Variants in NCOA5 observed in about 807,000 individuals in gnomAD.
The protein encoded by NCOA5 is NCoA-5.
In NCOA5, 12 loss-of-function variants were observed where a neutral mutation model predicts 59.0. That is an observed-to-expected ratio of 0.20 (90% confidence interval 0.13 to 0.33). The LOEUF (loss-of-function observed/expected upper bound fraction) is 0.33. NCOA5 is among the 10% of genes least tolerant of loss of function. The pLI is 1.00. For synonymous variants in NCOA5, 270 were observed against 275.5 expected, an observed-to-expected ratio of 0.98 and a Z score of 0.20; for missense variants, 655 against 766.6, an observed-to-expected ratio of 0.85 and a Z score of 1.72.
intron 1 of NCOA5, among the ~76,000 whole-genome samples, chr20:46,083,103 G>C (rs2085008725): frequency 6.6e-6 from 1 of 152,070 alleles, no homozygotes; most frequent in Non-Finnish European, 1.5e-5. Flanking sequence ...AAAACAATGA[G>C]GACTAGGAAT....
At chr20:46,071,457 T>A (rs1568881755) in intron 2 of NCOA5, among the ~76,000 whole-genome samples, 1 of 152,198 alleles carries the variant, frequency 6.6e-6, no homozygotes, top group South Asian at 2.1e-4. Context: ...TCCCATTGGA[T>A]TTGTAAGTCC....
In NCOA5 at chr20:46,070,523, A is replaced by C; in HGVS notation, c.52T>G (p.Phe18Val). Reference protein sequence around the residue: ...PSPTRRDPYGFGDSRDSRRDR... With the variant: ...PSPTRRDPYGVGDSRDSRRDR... ...CGCCTTGAATCTCGACTGTCTCCAA[A>C]GCCATATGGATCCCTGTGGGAGGTA... Residue 18 changes from phenylalanine (F) to valine (V), a missense_variant, in exon 3 of 8, where the codon TTT becomes GTT. Around this residue, in one of 3 missense-constraint regions of NCOA5, gnomAD observed 250 missense variants for 260.1 expected, o/e 0.96. Transcript: ENST00000290231. The C allele has an allele frequency of 6.2e-7, 1 of 1,613,770 alleles. No individual in the cohort carries two copies. The highest frequency in any genetic ancestry group is 8.5e-7 in the Non-Finnish European group (1 of 1,179,778).
intron 1 of NCOA5, among the ~76,000 whole-genome samples, chr20:46,080,091 G>C (rs920240321): frequency 6.7e-6 from 1 of 149,190 alleles, no homozygotes. Context: ...ATAAGGACTG[G>C]CGTTTGGTAT....
At chr20:46,087,447 C>T (rs748551212) in intron 1 of NCOA5, among the ~76,000 whole-genome samples, 1 of 152,180 alleles carries the variant, frequency 6.6e-6, no homozygotes, top group African/African-American at 2.4e-5. Flanking sequence ...CATCAGACTA[C>T]GAAAGTCTTT....
At chr20:46,064,884 G>A in intron 6 of NCOA5, 145 bp downstream of exon 6, 1 of 737,058 alleles carries the variant, frequency 1.4e-6, no homozygotes, top group South Asian at 1.8e-5. Context: ...GACTATGCAA[G>A]ACTCTTCCAT....
At position 46,062,622 on chromosome 20, in the gene NCOA5, G is replaced by C; in HGVS notation, c.1418C>G (p.Pro473Arg). Residue 473 changes from proline (P) to arginine (R), a missense_variant, in exon 8 of 8, where the codon CCT (proline) becomes CGT (arginine). Pro to Arg is a moderately radical substitution (Grantham distance 103, BLOSUM62 -2). Coordinates refer to ENST00000290231, the MANE Select transcript of NCOA5 (RefSeq NM_020967.3). ...QNFSTAANSQ[P>R]QQRSQASGNQ... Reference sequence around the variant, plus strand: ...GCCAGAAGCCTGTGATCTTTGTTGAGGCTGGCTGTTTGCTGCTGTGGAAAA... The same window carrying C: ...GCCAGAAGCCTGTGATCTTTGTTGACGCTGGCTGTTTGCTGCTGTGGAAAA... 1.2e-6 allele frequency: 2 copies of C among 1,614,210 alleles called. No homozygotes were observed. Among genetic ancestry groups the C allele is most frequent in the African/African-American group, 1.3e-5 (1 of 75,058 alleles).
Position 46,070,271 on chromosome 20 carries a change from G to T in NCOA5, c.304C>A (p.Gln102Lys), listed in dbSNP as rs1165879663. The T allele has an allele frequency of 6.2e-7, 1 of 1,614,080 alleles. No homozygotes were observed. The highest frequency in any genetic ancestry group is 1.3e-5 in the African/African-American group (1 of 75,004). ...DLRDSRDFRD[Q>K]RDPMYDRYRD... The stretch of plus-strand genomic sequence containing the variant: ...TATCTGTCGTACATGGGGTCTCGCT[G>T]ATCTCGAAAATCCCTAGAGTCTCTT... The change falls in exon 3 of 8, where the codon CAG (glutamine) becomes AAG (lysine). Residue 102 changes from glutamine to lysine, a missense_variant. Transcript: ENST00000290231.
rs757913170 is a variant in NCOA5 at position 46,063,452 on chromosome 20, C to T, written c.1058G>A (p.Arg353Lys). ...GTCAGTCTCTTCAGCAGTGAGGTAC[C>T]TGTTGTCTGCCAGCAGGTTGATGAG... ...QSLINLLADN[R>K]YLTAEETDKI... is the part of the protein sequence containing the mutation. The change falls in exon 7 of 8, where the codon AGG (arginine) becomes AAG (lysine). Residue 353 changes from arginine (R) to lysine (K), a missense_variant. Arg to Lys is a conservative substitution (Grantham distance 26, BLOSUM62 2). Around this residue, in one of 3 missense-constraint regions of NCOA5, gnomAD observed 325 missense variants for 353.2 expected, o/e 0.92. Transcript: ENST00000290231. The T allele has an allele frequency of 6.2e-7, 1 of 1,614,198 alleles. No homozygotes were observed. Among genetic ancestry groups the T allele is most frequent in the Admixed American group, 1.7e-5 (1 of 60,026 alleles).
chr20:46,065,015 T>C lies in NCOA5; in HGVS notation c.829+14A>G. The C allele has an allele frequency of 2.5e-6, 4 of 1,613,912 alleles. No homozygotes were observed. The highest frequency in any genetic ancestry group is 3.4e-6 in the Non-Finnish European group (4 of 1,179,934). On this transcript the variant is annotated intron_variant, in intron 6 of 7. Transcript: ENST00000290231. ...AATGGACTAGTGACTACCTCCGGTA[T>C]TCTGACTCTGTACCTTGCGGGGTTC...
chr20:46,070,809 G>C (rs941846966), intron 2 of NCOA5, among the ~76,000 whole-genome samples: 1 of 152,116 alleles, frequency 6.6e-6, no homozygotes, highest in African/African-American at 2.4e-5. Flanking sequence ...CTTTCAAAGT[G>C]AAAGTGTCTT....
chr20:46,089,197 G>C (rs888541737), intron 1 of NCOA5, among the ~76,000 whole-genome samples: 1 of 152,260 alleles, frequency 6.6e-6, no homozygotes, highest in South Asian at 2.1e-4. Context: ...CTGGCGCTGA[G>C]CTACGTGGTA....
intron 5 of NCOA5, among the ~76,000 whole-genome samples, chr20:46,066,072 C>T (rs539620736): frequency 7.8e-4 from 118 of 152,216 alleles, no homozygotes; most frequent in Non-Finnish European, 1.2e-3. Flanking sequence ...TGAACTCTGC[C>T]TACTGCTTGG....
At chr20:46,068,798 G>A (rs1428993090) in intron 3 of NCOA5, among the ~76,000 whole-genome samples, 160 bp from the exon 4 acceptor site, 1 of 152,200 alleles carries the variant, frequency 6.6e-6, no homozygotes, top group Non-Finnish European at 1.5e-5. Context: ...TCACTGAGAT[G>A]ATGTACAGAA....
chr20:46,073,991 T>C (rs1200050090), intron 2 of NCOA5, among the ~76,000 whole-genome samples: 1 of 151,914 alleles, frequency 6.6e-6, no homozygotes, highest in Non-Finnish European at 1.5e-5. Flanking sequence ...GTAGAAGAGG[T>C]GATATTCACA....
intron 1 of NCOA5, among the ~76,000 whole-genome samples, chr20:46,084,519 G>C (rs1308852548): frequency 6.6e-6 from 1 of 152,078 alleles, no homozygotes; most frequent in South Asian, 2.1e-4. Context: ...AGTGTTTCTG[G>C]GGTTTGCTAT....
chr20:46,079,453 T>A lies in NCOA5; in HGVS notation c.-29A>T. On this transcript the variant is annotated splice_region_variant and 5_prime_UTR_variant, in exon 2 of 8. Transcript: ENST00000290231. ...TCTTCTTTCCGCTGCCTTATTAATA[T>A]CTGAAAAGAATAATCAACCCATCTG... 6.2e-7 allele frequency: 1 copy of A among 1,611,692 alleles called. No individual in the cohort carries two copies. Among genetic ancestry groups the A allele is most frequent in the Non-Finnish European group, 8.5e-7 (1 of 1,178,012 alleles).
At position 46,070,439 on chromosome 20, in the gene NCOA5, G is replaced by A. The variant is rs770382626; in HGVS notation, c.136C>T (p.Arg46Trp). ...ATGTCTCTGCTGTCCCGGGCATCCCGGCCATTTCTGCCATCCCTGGGCTCT... is the reference window on the plus strand; with the variant it reads ...ATGTCTCTGCTGTCCCGGGCATCCCAGCCATTTCTGCCATCCCTGGGCTCT... ...RREPRDGRNGRDARDSRDIRD... is the reference protein window; with the variant it reads ...RREPRDGRNGWDARDSRDIRD... Residue 46 changes from arginine (R) to tryptophan (W), a missense_variant, in exon 3 of 8, where the codon CGG (arginine) becomes TGG (tryptophan). By Grantham distance (101) the Arg-to-Trp change is moderately radical. This residue lies in a region of NCOA5 where 250 missense variants were observed against 260.1 expected (regional missense o/e 0.96). Transcript: ENST00000290231. 10 of 1,613,968 alleles carry A rather than the reference G, an allele frequency of 6.2e-6. No homozygotes were observed. The highest frequency in any genetic ancestry group is 5.9e-6 in the Non-Finnish European group (7 of 1,179,998).
chr20:46,066,938 C>G, intron 5 of NCOA5, 117 bp downstream of exon 5: 1 of 1,157,018 alleles, frequency 8.6e-7, no homozygotes, highest in Non-Finnish European at 1.2e-6. Context: ...CCCTGGCTAA[C>G]AGCGCACAGC....
At chr20:46,070,940 G>A (rs1386063377) in intron 2 of NCOA5, among the ~76,000 whole-genome samples, 2 of 152,082 alleles carry the variant, frequency 1.3e-5, no homozygotes, top group African/African-American at 4.8e-5. Context: ...AGTGATCAAA[G>A]GAACTGTCCT....
Sources: allele counts gnomAD v4.1 joint callset (sites outside exome capture counted in the v4.1 genomes callset), GRCh38; gene constraint gnomAD v4.1.1; regional missense constraint gnomAD v4.1.1; transcripts MANE v1.5; gene names NCBI Gene and HGNC (gene_info 2026-07-23, HGNC 2026-07-21).